Variants in ABCC10 observed in about 807,000 individuals in gnomAD.
The protein encoded by ABCC10 is ATP-binding cassette sub-family C member 10.
In ABCC10, 110 loss-of-function variants were observed where a neutral mutation model predicts 143.2. The ratio of observed to expected loss-of-function variants is 0.77; its 90% CI spans 0.66 to 0.90. The LOEUF is 0.90. ABCC10 is among the 40% of genes least tolerant of loss of function. The pLI is 0.00. For synonymous variants in ABCC10, 805 were observed against 846.7 expected (o/e 0.95, Z 0.85); for missense variants, 1,700 against 1,900.5 (o/e 0.89, Z 1.96).
chr6:43,437,813 A>AGG lies in ABCC10; in HGVS notation c.1876-120_1876-119insGG, dbSNP rs1165312736. On this transcript the variant is annotated intron_variant, in intron 6 of 21. Coordinates refer to ENST00000372530, the MANE Select transcript of ABCC10 (RefSeq NM_001198934.2). ...GGAGAATTCTTTCCCTACACACTAA[A>AGG]GAAAGAAGAAAAGAGAAGCCTCAGT... 7.8e-5 allele frequency: 72 copies of AGG among 920,470 alleles called. No homozygotes were observed. In the African/African-American group the frequency reaches 9.3e-4, roughly 12 times the overall value. 57.0% of individuals were successfully genotyped at this position (920,470 alleles called of 1,614,324 possible).
In ABCC10 at chr6:43,434,668, G is replaced by C. The variant is rs1408469751; in HGVS notation, c.1428G>C (p.Gly476=). The C allele has an allele frequency of 4.3e-6, 7 of 1,614,170 alleles. No individual in the cohort carries two copies. Among genetic ancestry groups the C allele is most frequent in the Non-Finnish European group, 8.5e-7 (1 of 1,180,022 alleles). The change falls in exon 4 of 22, where the codon GGG becomes GGC. Residue 476 remains glycine (G), a synonymous_variant. Transcript: ENST00000372530. ...GCATTCGGGTCATCAAGTTCTGCGG[G>C]TGGGAGCAGGCACTGGGAGCCCGAG... The part of the protein sequence containing the change: ...LSGIRVIKFC[G]WEQALGARVE...
In ABCC10 at chr6:43,445,329, C is replaced by T. The variant is rs1782928065; in HGVS notation, c.3030+15C>T. ...GAGTCCTTATGGTGAGGGGCTGGGA[C>T]CTCGGGGGTAGGGGAGTGCAGTCCT... On this transcript the variant is annotated intron_variant, in intron 14 of 21. Transcript: ENST00000372530. 1.9e-6 allele frequency: 3 copies of T among 1,608,990 alleles called. No individual in the cohort carries two copies. The highest frequency in any genetic ancestry group is 2.5e-6 in the Non-Finnish European group (3 of 1,177,724).
chr6:43,431,487 A>C (rs2127382071), intron 2 of ABCC10, among the ~76,000 whole-genome samples: 1 of 152,192 alleles, frequency 6.6e-6, no homozygotes, highest in East Asian at 1.9e-4. Flanking sequence ...CAGCCTCCTG[A>C]GTAGCTGGGA....
rs1024272138 is a variant in ABCC10, at chr6:43,427,619, C to A, written c.-150C>A. The A allele has an allele frequency of 5.9e-6, 2 of 341,856 alleles. No homozygotes were observed. The highest frequency in any genetic ancestry group is 1.1e-5 in the Non-Finnish European group (2 of 180,004). The allele number at this position is 341,856 out of a possible 1,614,324, so 21.2% of individuals were successfully genotyped here. A position where few individuals can be genotyped will look rare whatever the true frequency, so the allele number is the denominator to read the frequency against. On this transcript the variant is annotated 5_prime_UTR_variant, in exon 1 of 22. Transcript: ENST00000372530. ...GTGCCAGCCGGGGCGGGCCCAGCAC[C>A]CCGGCCGGGCAGTACTTTTTTTTTT... is the stretch of plus-strand genomic sequence containing the variant.
Position 43,432,336 on chromosome 6 carries a change from T to C in ABCC10, c.356T>C (p.Leu119Pro). 6.2e-7 allele frequency: 1 copy of C among 1,614,034 alleles called. No homozygotes were observed. The highest frequency in any genetic ancestry group is 8.5e-7 in the Non-Finnish European group (1 of 1,180,030). ...AVAWISHSLA[L>P]WVLAHSPHGH... ...GCCTGGATCAGCCACAGCCTGGCCC[T>C]GTGGGTGTTGGCACATTCCCCTCAT... The change falls in exon 3 of 22, where the codon CTG becomes CCG. Residue 119 changes from leucine (L) to proline (P), a missense_variant. Physicochemically the swap from Leu to Pro is moderately conservative, Grantham distance 98. Coordinates refer to ENST00000372530, the MANE Select transcript of ABCC10 (RefSeq NM_001198934.2).
chr6:43,446,394 C>T lies in ABCC10; in HGVS notation c.3492C>T (p.Ser1164=), dbSNP rs774234613. ...RLQLMGAAVV[S]AIAGIALVQH... ...AGCTCATGGGGGCGGCAGTGGTCAG[C>T]GCTATCGCAGGCATCGCTCTGGTGC... Residue 1164 remains serine, a synonymous_variant, in exon 16 of 22, where the codon AGC becomes AGT. Transcript: ENST00000372530. 15 of 1,612,940 alleles carry T rather than the reference C, an allele frequency of 9.3e-6. No homozygotes were observed. Among genetic ancestry groups the T allele is most frequent in the South Asian group, 1.1e-5 (1 of 91,022 alleles).
downstream of ABCC10, chr6:43,450,477 G>C: frequency 2.0e-6 from 3 of 1,501,238 alleles, no homozygotes; most frequent in Non-Finnish European, 2.7e-6. This position sits in a 1 kb window ranked among gnomAD's most constrained non-coding sequence, Gnocchi z 4.5. Flanking sequence ...TGGTGAGAAC[G>C]GACCACTCCA....
Position 43,444,321 on chromosome 6 carries a change from T to G in ABCC10, c.2657T>G (p.Leu886Ter), listed in dbSNP as rs749510548. Residue 886 changes from leucine to a stop codon, truncating the protein, a stop_gained, in exon 12 of 22, where the codon TTA becomes TGA. Coordinates refer to ENST00000372530, the MANE Select transcript of ABCC10 (RefSeq NM_001198934.2). LOFTEE classifies it high-confidence loss of function. ...YWKAVGQGLA[L>*]AILFSLLLMQ... ...AAGGCCGTGGGCCAGGGCTTGGCCT[T>G]AGCCATCCTCTTCTCTCTGCTTCTC... is the stretch of plus-strand genomic sequence containing the variant. 1 of 1,611,642 alleles carries G rather than the reference T, an allele frequency of 6.2e-7. No homozygotes were observed. Among genetic ancestry groups the G allele is most frequent in the East Asian group, 2.2e-5 (1 of 44,876 alleles).
chr6:43,438,792 C>T lies in ABCC10; in HGVS notation c.2124C>T (p.Leu708=). 1 of 1,614,088 alleles carries T rather than the reference C, an allele frequency of 6.2e-7. No homozygotes were observed. The highest frequency in any genetic ancestry group is 8.5e-7 in the Non-Finnish European group (1 of 1,179,946). The change falls in exon 8 of 22, where the codon CTC becomes CTT. Residue 708 remains leucine, a synonymous_variant. Transcript: ENST00000372530. Reference sequence around the variant, plus strand: ...AAGCCTGCGCCCTCAATGATGACCTCAGTGTGAGTGCCTGGCCTTGAAACC... The same window carrying T: ...AAGCCTGCGCCCTCAATGATGACCTTAGTGTGAGTGCCTGGCCTTGAAACC... ...VLEACALNDD[L]SILPAGDQTE... is the part of the protein sequence containing the mutation.
At chr6:43,451,000 C>T (rs200880387), downstream of ABCC10, 383 of 1,614,110 alleles carry the variant, frequency 2.4e-4, 2 homozygotes, top group South Asian at 2.7e-3. This position sits in a 1 kb window ranked among gnomAD's most constrained non-coding sequence, Gnocchi z 4.5. Flanking sequence ...AAGTCGTGGA[C>T]ACGGTCCCGA....
At position 43,428,044 on chromosome 6, in the gene ABCC10, G is replaced by C. The variant is rs1216563036; in HGVS notation, c.66G>C (p.Gly22=). The C allele has an allele frequency of 6.3e-7, 1 of 1,599,756 alleles. No homozygotes were observed. The highest frequency in any genetic ancestry group is 8.5e-7 in the Non-Finnish European group (1 of 1,174,088). The change falls in exon 2 of 22, where the codon GGG becomes GGC. Residue 22 remains glycine, a synonymous_variant. Coordinates refer to ENST00000372530, the MANE Select transcript of ABCC10 (RefSeq NM_001198934.2). ...SAAWPLPLWE[G]DTTGHCFTQL... ...CGTGGCCGCTCCCGCTGTGGGAGGG[G>C]GACACCACAGGCCACTGCTTCACCC...
chr6:43,434,739 A>T lies in ABCC10; in HGVS notation c.1499A>T (p.Lys500Ile). The T allele has an allele frequency of 2.5e-6, 4 of 1,614,132 alleles. No individual in the cohort carries two copies. The highest frequency in any genetic ancestry group is 1.6e-4 in the Middle Eastern group (1 of 6,062). Residue 500 changes from lysine (K) to isoleucine (I), a missense_variant, in exon 4 of 22, where the codon AAA becomes ATA. By Grantham distance (102) the Lys-to-Ile change is moderately radical (BLOSUM62 -3). Transcript: ENST00000372530. ...GAGCTGGGGCGACTCCGGGTCATCA[A>T]ATACCTGGATGCGGCCTGTGTATAC... ...ARELGRLRVI[K>I]YLDAACVYLW...
intron 2 of ABCC10, 150 bp downstream of exon 2, chr6:43,428,289 T>C (rs1045248185): frequency 2.0e-6 from 2 of 976,092 alleles, no homozygotes; most frequent in South Asian, 1.8e-5. Context: ...TTAGCAGCAA[T>C]GTGGCTGTTC....
chr6:43,433,107 C>A lies in ABCC10; in HGVS notation c.1127C>A (p.Pro376His). ...KALQLGPSRP[P>H]TGEALNLLGT... ...TTACAGCTGGGGCCCAGCCGCCCTCCTACTGGGGAGGCCCTGAACCTACTA... is the reference window on the plus strand; with the variant it reads ...TTACAGCTGGGGCCCAGCCGCCCTCATACTGGGGAGGCCCTGAACCTACTA... The change falls in exon 3 of 22, where the codon CCT becomes CAT. Residue 376 changes from proline (P) to histidine (H), a missense_variant. Coordinates refer to ENST00000372530, the MANE Select transcript of ABCC10 (RefSeq NM_001198934.2). 6.2e-7 allele frequency: 1 copy of A among 1,614,122 alleles called. No individual in the cohort carries two copies. Among genetic ancestry groups the A allele is most frequent in the Non-Finnish European group, 8.5e-7 (1 of 1,179,990 alleles).
chr6:43,435,661 C>G (rs1481209113), intron 4 of ABCC10, 90 bp from the exon 5 acceptor site: 3 of 1,453,066 alleles, frequency 2.1e-6, no homozygotes, highest in Non-Finnish European at 1.8e-6. Context: ...TTGCCCAGTT[C>G]TTCCCTCCGT....
chr6:43,443,916 C>G lies in ABCC10; in HGVS notation c.2417-17C>G. The G allele has an allele frequency of 6.2e-7, 1 of 1,604,390 alleles. No individual in the cohort carries two copies. On this transcript the variant is annotated splice_polypyrimidine_tract_variant and intron_variant, in intron 10 of 21. Transcript: ENST00000372530. This position sits in a 1 kb window ranked among gnomAD's most constrained non-coding sequence, Gnocchi z 4.2. The stretch of plus-strand genomic sequence containing the variant: ...ACTCAGAACAGTCCTCTCCCAATCT[C>G]CCCTTCTACCCTCCAGGACCTCCCT...
At position 43,445,147 on chromosome 6, in the gene ABCC10, A is replaced by G. The variant is rs1782899188; in HGVS notation, c.2863A>G (p.Lys955Glu). The change falls in exon 14 of 22, where the codon AAA (lysine) becomes GAA (glutamate). Residue 955 changes from lysine (K) to glutamate (E), a missense_variant. Lys to Glu is a moderately conservative substitution (Grantham distance 56, BLOSUM62 1). Transcript: ENST00000372530. ...NLYIPVFPLP[K>E]AAPNGSSDIR... ...CAGCATCCCAGTGTTCCCACTGCCCAAAGCTGCCCCCAATGGCTCCTCAGA... is the reference window on the plus strand; with the variant it reads ...CAGCATCCCAGTGTTCCCACTGCCCGAAGCTGCCCCCAATGGCTCCTCAGA... 6.2e-7 allele frequency: 1 copy of G among 1,613,820 alleles called. No individual in the cohort carries two copies. The highest frequency in any genetic ancestry group is 1.7e-5 in the Admixed American group (1 of 59,996).
rs780193816 is a variant in ABCC10 at position 43,448,950 on chromosome 6, C to T, written c.4029C>T (p.Pro1343=). Reference sequence around the variant, plus strand: ...GGACTGTTCGGGAAAACCTGGACCCCCAGGGCCTACATAAGGACAGGGCCT... The same window carrying T: ...GGACTGTTCGGGAAAACCTGGACCCTCAGGGCCTACATAAGGACAGGGCCT... ...FSGTVRENLD[P]QGLHKDRALW... Residue 1343 remains proline (P), a synonymous_variant, in exon 19 of 22, where the codon CCC becomes CCT. Transcript: ENST00000372530. 1 of 1,614,064 alleles carries T rather than the reference C, an allele frequency of 6.2e-7. No individual in the cohort carries two copies. The highest frequency in any genetic ancestry group is 8.5e-7 in the Non-Finnish European group (1 of 1,180,026).
intron 16 of ABCC10, 33 bp from the exon 17 acceptor site, chr6:43,447,215 G>T: frequency 6.2e-7 from 1 of 1,601,772 alleles, no homozygotes. Flanking sequence ...CGGTGTCCAA[G>T]CTCTCCCAGC....
Sources: allele counts gnomAD v4.1 joint callset (sites outside exome capture counted in the v4.1 genomes callset), GRCh38; gene constraint gnomAD v4.1.1; non-coding constraint Gnocchi (gnomAD v3.1); transcripts MANE v1.5; gene names NCBI Gene and HGNC (gene_info 2026-07-23, HGNC 2026-07-21).